Variants in NUMA1 observed in about 807,000 individuals in gnomAD.
NUMA1 encodes the protein SP-H antigen.
Under a neutral mutation model 237.1 loss-of-function variants are expected in NUMA1, and 62 were observed. The observed-to-expected ratio is 0.26, with a 90% CI of 0.21 to 0.32. The LOEUF (loss-of-function observed/expected upper bound fraction) is 0.32, where lower values mean the gene tolerates loss of function less well. NUMA1 is among the 10% of genes least tolerant of loss of function. NUMA1 has a pLI of 1.00. For synonymous variants in NUMA1, 1,028 were observed against 1,066.1 expected, an observed-to-expected ratio of 0.96 and a Z score of 0.70; for missense variants, 2,533 against 2,666.5, an observed-to-expected ratio of 0.95 and a Z score of 1.10.
At position 72,024,163 on chromosome 11, in the gene NUMA1, G is replaced by A. The variant is rs375500022; in HGVS notation, c.208+111C>T. 220 of 849,542 alleles carry A rather than the reference G, an allele frequency of 2.6e-4. No individual in the cohort carries two copies. The African/African-American group carries it at 3.4e-3, about 13-fold the overall frequency. 52.6% of individuals were successfully genotyped at this position (849,542 alleles called of 1,614,324 possible). ...TTTCATCTTTGTGTTAAAGAGTGGG[G>A]AGCCTTGAAATTTTTCTCCTCCAGA... On this transcript the variant is annotated intron_variant, in intron 5 of 26. Coordinates refer to ENST00000393695, the MANE Select transcript of NUMA1 (RefSeq NM_006185.4).
chr11:72,043,490 G>A (rs1279859545), intron 2 of NUMA1, among the ~76,000 whole-genome samples: 4 of 148,406 alleles, frequency 2.7e-5, no homozygotes, highest in Non-Finnish European at 5.9e-5. Flanking sequence ...AGCCTCCCAA[G>A]CAGTGGGAGT....
At position 72,035,881 on chromosome 11, in the gene NUMA1, AAAGAGAGG is replaced by A. The variant is rs764414090; in HGVS notation, c.42+13_42+20del. The A allele has an allele frequency of 1.2e-6, 2 of 1,612,996 alleles. No individual in the cohort carries two copies. Among genetic ancestry groups the A allele is most frequent in the Admixed American group, 3.3e-5 (2 of 60,014 alleles). On this transcript the variant is annotated intron_variant, in intron 3 of 26. Coordinates refer to ENST00000393695, the MANE Select transcript of NUMA1 (RefSeq NM_006185.4). ...GCTTCCTGGAGAAGTATAGCCAACA[AAAGAGAGG>A]AAGACTACTTACCCAAGAGAGGAGT... is the stretch of plus-strand genomic sequence containing the variant.
chr11:72,035,214 G>C (rs936120788), intron 3 of NUMA1, among the ~76,000 whole-genome samples: 1 of 151,998 alleles, frequency 6.6e-6, no homozygotes, highest in African/African-American at 2.4e-5. Context: ...ACTGTCTCTG[G>C]TAGAAAATGT....
intron 6 of NUMA1, 105 bp downstream of exon 6, chr11:72,022,960 A>T: frequency 2.6e-6 from 2 of 768,704 alleles, no homozygotes; most frequent in South Asian, 1.6e-5. Context: ...CCAGAAATAA[A>T]GCACCCATCA....
intron 1 of NUMA1, among the ~76,000 whole-genome samples, chr11:72,072,978 C>T (rs1322968342): frequency 7.6e-6 from 1 of 131,946 alleles, no homozygotes; most frequent in African/African-American, 2.8e-5. Flanking sequence ...ACCTGGGAGG[C>T]GGAGCTTGCA....
At position 72,005,236 on chromosome 11, in the gene NUMA1, G is replaced by C. The variant is rs969194693; in HGVS notation, c.5826C>G (p.Ser1942=). ...PHLKTCYPLE[S]RPSLSLGTIT... ...GCACAGTGACCCCAGGCCTCACCCT[G>C]GACTCCAGGGGATAGCAGGTCTTCA... Residue 1942 remains serine, a synonymous_variant, in exon 23 of 27, where the codon TCC becomes TCG. Transcript: ENST00000393695. 1.9e-6 allele frequency: 3 copies of C among 1,594,114 alleles called. No homozygotes were observed. Among genetic ancestry groups the C allele is most frequent in the Non-Finnish European group, 2.6e-6 (3 of 1,171,872 alleles).
intron 6 of NUMA1, among the ~76,000 whole-genome samples, chr11:72,022,629 T>G (rs1320674127): frequency 6.6e-6 from 1 of 150,842 alleles, no homozygotes; most frequent in Non-Finnish European, 1.5e-5. Flanking sequence ...TACAAAAAGC[T>G]GAGCGCCAAG....
intron 7 of NUMA1, 79 bp from the exon 8 acceptor site, chr11:72,021,370 A>G: frequency 7.7e-7 from 1 of 1,294,942 alleles, no homozygotes; most frequent in Admixed American, 1.8e-5. Flanking sequence ...CCACCCTGGC[A>G]GTGCCAGTCC....
chr11:72,029,338 G>A lies in NUMA1; in HGVS notation c.43-48C>T, dbSNP rs753388568. 5 of 954,212 alleles carry A rather than the reference G, an allele frequency of 5.2e-6. 1 individual carries two copies. In the South Asian group the frequency reaches 7.8e-5, roughly 15 times the overall value. 59.1% of individuals were successfully genotyped at this position (954,212 alleles called of 1,614,324 possible). On this transcript the variant is annotated intron_variant, in intron 3 of 26. Coordinates refer to ENST00000393695, the MANE Select transcript of NUMA1 (RefSeq NM_006185.4). ...TAGTGAGACCGTTAGAAGCAACATG[G>A]TTTGCTCCTTTTCCCAGAGGCTTAA...
chr11:72,059,932 ATTG>A (rs1470245601), intron 2 of NUMA1, among the ~76,000 whole-genome samples: 1 of 152,194 alleles, frequency 6.6e-6, no homozygotes, highest in East Asian at 1.9e-4. Context: ...AGAATATATT[ATTG>A]TTTTAATTTA....
At chr11:72,035,533 G>T (rs981607174) in intron 3 of NUMA1, among the ~76,000 whole-genome samples, 1 of 151,308 alleles carries the variant, frequency 6.6e-6, no homozygotes, top group African/African-American at 2.4e-5. Flanking sequence ...TCAGCCTCCC[G>T]AGTGACTGGG....
rs779168913 is a variant in NUMA1, at chr11:72,007,224, G to A, written c.5428C>T (p.Arg1810Cys). The A allele has an allele frequency of 1.7e-5, 27 of 1,612,032 alleles. No individual in the cohort carries two copies. The highest frequency in any genetic ancestry group is 1.7e-4 in the Middle Eastern group (1 of 6,040). ...SGRKTRSARRRTTQIINITMT... is the reference protein window; with the variant it reads ...SGRKTRSARRCTTQIINITMT... ...GTGATGTTGATGATCTGCGTGGTGC[G>A]CCGACGAGCGGAGCGGGTCTTACGA... is the stretch of plus-strand genomic sequence containing the variant. The change falls in exon 21 of 27, where the codon CGC (arginine) becomes TGC (cysteine). Residue 1810 changes from arginine (R) to cysteine (C), a missense_variant. Coordinates refer to ENST00000393695, the MANE Select transcript of NUMA1 (RefSeq NM_006185.4).
intron 1 of NUMA1, among the ~76,000 whole-genome samples, chr11:72,073,148 C>G (rs1943543137): frequency 6.7e-6 from 1 of 149,040 alleles, no homozygotes; most frequent in Admixed American, 6.7e-5. Flanking sequence ...TGCTTGAGCT[C>G]AGGTGTTCAA....
At chr11:72,044,745 G>T (rs1398699681) in intron 2 of NUMA1, among the ~76,000 whole-genome samples, 1 of 147,892 alleles carries the variant, frequency 6.8e-6, no homozygotes, top group Non-Finnish European at 1.5e-5. Flanking sequence ...TCAGCTCAAT[G>T]CAACCTCTGT....
At chr11:72,019,388 C>CT in intron 9 of NUMA1, 106 bp downstream of exon 9, 1 of 1,447,462 alleles carries the variant, frequency 6.9e-7, no homozygotes, top group Non-Finnish European at 9.4e-7. Context: ...ACCGGATACT[C>CT]TAAGCACTCC....
At position 72,027,422 on chromosome 11, in the gene NUMA1, C is replaced by CA. The variant is rs996829124; in HGVS notation, c.128+1782dup. ...AACCCCAACTATGAAGTATCCTTGA[C>CA]AAAAAAAAAAAGTGAATCAAGCTTA... On this transcript the variant is annotated intron_variant, in intron 4 of 26. Transcript: ENST00000393695. Among the ~76,000 whole-genome samples the CA allele has an allele frequency of 5.9e-3, 699 of 119,302 alleles. 2 individuals carry two copies. The highest frequency in any genetic ancestry group is 8.7e-3 in the African/African-American group (277 of 31,714). The allele number at this position is 119,302 out of a possible 152,430, so 78.3% of individuals were successfully genotyped here. A position where few individuals can be genotyped will look rare whatever the true frequency, so the allele number is the denominator to read the frequency against.
intron 1 of NUMA1, among the ~76,000 whole-genome samples, chr11:72,070,657 A>G (rs1289070936): frequency 6.6e-6 from 1 of 152,106 alleles, no homozygotes; most frequent in Non-Finnish European, 1.5e-5. Flanking sequence ...AAATACAAAA[A>G]ATTAGCTAGG....
intron 4 of NUMA1, among the ~76,000 whole-genome samples, chr11:72,026,101 C>T (rs1308909416): frequency 6.6e-6 from 1 of 152,186 alleles, no homozygotes; most frequent in Non-Finnish European, 1.5e-5. Flanking sequence ...TTCCCCCACC[C>T]CCTACAAAGC....
intron 4 of NUMA1, among the ~76,000 whole-genome samples, chr11:72,025,458 C>G (rs2135429176): frequency 6.6e-6 from 1 of 152,114 alleles, no homozygotes; most frequent in South Asian, 2.1e-4. Flanking sequence ...CTCTGGGAGG[C>G]TTTTGCCATC....
Sources: gnomAD v4.1 joint callset for allele counts (sites outside exome capture counted in the v4.1 genomes callset) on GRCh38, gnomAD v4.1.1 for gene constraint, MANE v1.5 for transcripts, NCBI Gene and HGNC (gene_info 2026-07-23, HGNC 2026-07-21) for gene names.